PLCE1: variants seen among roughly 807,000 people sequenced by gnomAD.
PLCE1 encodes phospholipase C epsilon 1.
In PLCE1, 119 loss-of-function variants were observed where a neutral mutation model predicts 242.8. That is an observed-to-expected ratio of 0.49 (90% CI 0.42 to 0.57). The LOEUF is 0.57. PLCE1 is among the 20% of genes least tolerant of loss of function. PLCE1 has a pLI of 0.00. For missense variants in PLCE1, 2,441 were observed against 2,788.8 expected (o/e 0.88, Z 2.81); for synonymous variants, 945 against 1,017.4 (o/e 0.93, Z 1.35).
intron 3 of PLCE1, among the ~76,000 whole-genome samples, chr10:94,161,293 A>G (rs2047605357): frequency 6.6e-6 from 1 of 152,170 alleles, no homozygotes; most frequent in Admixed American, 6.5e-5. Flanking sequence ...ATCCATGAGT[A>G]TGGAATGTTC....
intron 2 of PLCE1, chr10:94,088,194 A>T (rs1461045411): frequency 6.6e-6 from 1 of 152,242 alleles, no homozygotes; most frequent in Admixed American, 6.5e-5. Context: ...ACAATAATGG[A>T]ATCCACCCTA....
intron 2 of PLCE1, among the ~76,000 whole-genome samples, chr10:94,059,225 T>C (rs2043983512): frequency 6.6e-6 from 1 of 152,200 alleles, no homozygotes; most frequent in Non-Finnish European, 1.5e-5. Flanking sequence ...AATAACATTA[T>C]GAACGGTATG....
chr10:94,109,023 A>G (rs1477367229), intron 2 of PLCE1: 1 of 152,248 alleles, frequency 6.6e-6, no homozygotes, highest in African/African-American at 2.4e-5. Context: ...TAGTTGATAT[A>G]GACAAGCAGA....
intron 4 of PLCE1, among the ~76,000 whole-genome samples, chr10:94,210,543 C>G (rs1217338937): frequency 1.3e-5 from 2 of 152,186 alleles, no homozygotes; most frequent in East Asian, 3.9e-4. Context: ...TGGCCCCAGT[C>G]TCCAAAATAA....
At chr10:94,188,191 G>A (rs929700409) in intron 4 of PLCE1, among the ~76,000 whole-genome samples, 3 of 151,950 alleles carry the variant, frequency 2.0e-5, no homozygotes, top group African/African-American at 7.3e-5. Flanking sequence ...TCTCTATTTG[G>A]GTCAATCAAG....
At chr10:94,019,115 A>G (rs1050929668) in intron 1 of PLCE1, among the ~76,000 whole-genome samples, 2 of 152,154 alleles carry the variant, frequency 1.3e-5, no homozygotes, top group South Asian at 2.1e-4. Flanking sequence ...ATTTTTCCCC[A>G]TTTTGCAGAT....
At chr10:94,025,005 A>G (rs146038983) in intron 1 of PLCE1, among the ~76,000 whole-genome samples, 1 of 152,244 alleles carries the variant, frequency 6.6e-6, no homozygotes, top group Admixed American at 6.5e-5. Context: ...TAAACAAGAT[A>G]GAATTTTTTT....
At chr10:94,174,381 C>T (rs1823503277) in intron 4 of PLCE1, among the ~76,000 whole-genome samples, 1 of 152,058 alleles carries the variant, frequency 6.6e-6, no homozygotes, top group African/African-American at 2.4e-5. Context: ...TAGAATACTA[C>T]AGTAATAACT....
At position 94,111,288 on chromosome 10, in the gene PLCE1, G is replaced by A. The variant is rs75080493; in HGVS notation, c.1207-20886G>A. 5.7e-3 allele frequency among the ~76,000 whole-genome samples: 863 copies of A among 152,322 alleles called. 11 individuals carry two copies. The highest frequency in any genetic ancestry group is 0.02 in the African/African-American group (822 of 41,556). ...TTCAGTGGGAGGAATTCAGCCCCTT[G>A]CGGGCAGAGGTGGAGTGAAGAAAGG... is the stretch of plus-strand genomic sequence containing the variant. On this transcript the variant is annotated intron_variant, in intron 2 of 32. Coordinates refer to ENST00000371380, the MANE Select transcript of PLCE1 (RefSeq NM_016341.4).
chr10:94,265,976 T>G lies in PLCE1; in HGVS notation c.4281+18T>G. 6.2e-7 allele frequency: 1 copy of G among 1,613,002 alleles called. No homozygotes were observed. Among genetic ancestry groups the G allele is most frequent in the South Asian group, 1.1e-5 (1 of 91,056 alleles). ...ACAGCCAGGTACAGGGAATGCCACT[T>G]GGAATGTGGTTTTTATTAAACCTAA... is the stretch of plus-strand genomic sequence containing the variant. On this transcript the variant is annotated intron_variant, in intron 16 of 32. Coordinates refer to ENST00000371380, the MANE Select transcript of PLCE1 (RefSeq NM_016341.4).
intron 7 of PLCE1, among the ~76,000 whole-genome samples, chr10:94,238,356 CT>C (rs1349186992): frequency 1.3e-5 from 2 of 152,330 alleles, no homozygotes; most frequent in Admixed American, 1.3e-4. Flanking sequence ...GCTTGTCTAA[CT>C]TCTGTACAGA....
intron 2 of PLCE1, among the ~76,000 whole-genome samples, chr10:94,038,193 A>G (rs1316317790): frequency 6.6e-6 from 1 of 152,142 alleles, no homozygotes; most frequent in Non-Finnish European, 1.5e-5. Flanking sequence ...CTGGGGTTAG[A>G]GAGGAGGTTT....
At chr10:94,325,903 T>A (rs933045426) in intron 32 of PLCE1, among the ~76,000 whole-genome samples, 1 of 152,140 alleles carries the variant, frequency 6.6e-6, no homozygotes, top group Non-Finnish European at 1.5e-5. Context: ...ATTAAAAAAA[T>A]AAAAATCTGG....
chr10:94,052,021 G>C (rs1012387631), intron 2 of PLCE1, among the ~76,000 whole-genome samples: 1 of 152,052 alleles, frequency 6.6e-6, no homozygotes, highest in African/African-American at 2.4e-5. Flanking sequence ...CAGCTCCTTC[G>C]GGGCATGAAT....
Position 94,132,266 on chromosome 10 carries a change from T to C in PLCE1, c.1299T>C (p.His433=). 3.7e-6 allele frequency: 6 copies of C among 1,613,840 alleles called. No individual in the cohort carries two copies. The highest frequency in any genetic ancestry group is 5.1e-6 in the Non-Finnish European group (6 of 1,179,932). ...LTKLPASETA[H]GRISVGPCLK... The stretch of plus-strand genomic sequence containing the variant: ...AGCTCCCAGCCTCCGAGACAGCCCA[T>C]GGAAGGATAAGCGTTGGTCCATGCT... The change falls in exon 3 of 33, where the codon CAT becomes CAC. Residue 433 remains histidine, a synonymous_variant. Coordinates refer to ENST00000371380, the MANE Select transcript of PLCE1 (RefSeq NM_016341.4).
chr10:94,196,303 A>G (rs1161502992), intron 4 of PLCE1, among the ~76,000 whole-genome samples: 1 of 152,272 alleles, frequency 6.6e-6, no homozygotes, highest in East Asian at 1.9e-4. Context: ...CCTATGTATT[A>G]TAGCATAAAG....
rs560035805 is a variant in PLCE1 at position 94,245,742 on chromosome 10, C to T, written c.2421-204C>T. Among the ~76,000 whole-genome samples, 5 of 152,316 alleles carry T rather than the reference C, an allele frequency of 3.3e-5. No homozygotes were observed. In the East Asian group the frequency reaches 9.7e-4, roughly 29 times the overall value. ...ACTCAAGTGGTCCACCCTCAGCCTC[C>T]CAAAGTGCTGGGATTACAGGCGTAA... is the stretch of plus-strand genomic sequence containing the variant. On this transcript the variant is annotated intron_variant, in intron 7 of 32. Coordinates refer to ENST00000371380, the MANE Select transcript of PLCE1 (RefSeq NM_016341.4).
At chr10:94,198,974 C>T (rs1425445068) in intron 4 of PLCE1, among the ~76,000 whole-genome samples, 1 of 152,084 alleles carries the variant, frequency 6.6e-6, no homozygotes, top group Non-Finnish European at 1.5e-5. Context: ...ATCGCTTGAG[C>T]CCAGGAGGTT....
At chr10:94,201,290 G>C (rs894755943) in intron 4 of PLCE1, among the ~76,000 whole-genome samples, 17 of 151,996 alleles carry the variant, frequency 1.1e-4, no homozygotes, top group African/African-American at 2.9e-4. Context: ...TTTGTAAATG[G>C]GACAGCAGTC....
Sources: allele counts gnomAD v4.1 joint callset (sites outside exome capture counted in the v4.1 genomes callset), GRCh38; gene constraint gnomAD v4.1.1; transcripts MANE v1.5; gene names NCBI Gene and HGNC (gene_info 2026-07-23, HGNC 2026-07-21).